The following ABCA4 variants were observed in gnomAD, a reference collection of about 807,000 sequenced individuals.
ABCA4 encodes ATP binding cassette subfamily A member 4, also known as retinal-specific phospholipid-transporting ATPase ABCA4.
In ABCA4, 196 loss-of-function variants were observed where a neutral mutation model predicts 263.7. The ratio of observed to expected loss-of-function variants is 0.74; its 90% CI spans 0.66 to 0.84. ABCA4 has a LOEUF of 0.84. ABCA4 is among the 40% of genes least tolerant of loss of function. The probability of loss-of-function intolerance (pLI) is 0.00; values close to 1 mark genes in which losing one functional copy is unlikely to be tolerated. For missense variants in ABCA4, 2,792 were observed against 2,855.1 expected, an observed-to-expected ratio of 0.98 and a Z score of 0.50; for synonymous variants, 1,133 against 1,094.2, an observed-to-expected ratio of 1.04 and a Z score of -0.70.
intron 32 of ABCA4, among the ~76,000 whole-genome samples, chr1:94,022,428 T>C (rs1304975452): frequency 1.3e-5 from 2 of 152,192 alleles, no homozygotes; most frequent in African/African-American, 4.8e-5. Context: ...ACCTCTGTGC[T>C]TTGCAGGTAC....
chr1:94,092,776 G>A (rs141834033), intron 6 of ABCA4, among the ~76,000 whole-genome samples: 1 of 152,084 alleles, frequency 6.6e-6, no homozygotes, highest in East Asian at 1.9e-4. Context: ...GCAGCCAAAA[G>A]GTCACTCCAT....
At chr1:94,120,852 G>A (rs1177190574) in intron 1 of ABCA4, 128 bp downstream of exon 1, 12 of 849,368 alleles carry the variant, frequency 1.4e-5, no homozygotes, top group Non-Finnish European at 1.5e-5. Context: ...GCTAATCGGC[G>A]ACAAGCCCAC....
chr1:94,014,917 G>C (rs1659682866), intron 37 of ABCA4, among the ~76,000 whole-genome samples: 1 of 152,162 alleles, frequency 6.6e-6, no homozygotes, highest in African/African-American at 2.4e-5. Flanking sequence ...AGGAGCAAAT[G>C]GGCTGCTAGC....
At chr1:94,031,159 A>G (rs1448778813) in intron 27 of ABCA4, 39 bp from the exon 28 acceptor site, 1 of 1,613,218 alleles carries the variant, frequency 6.2e-7, no homozygotes, top group Non-Finnish European at 8.5e-7. Flanking sequence ...TGACTGTGGC[A>G]TGGAGATGTC....
intron 37 of ABCA4, 42 bp downstream of exon 37, chr1:94,015,697 G>A: frequency 6.7e-7 from 1 of 1,501,448 alleles, no homozygotes; most frequent in Non-Finnish European, 9.2e-7. Flanking sequence ...CCACCACCAG[G>A]CTTCTCTTCA....
chr1:94,053,563 T>G (rs912855346), intron 16 of ABCA4, among the ~76,000 whole-genome samples: 4 of 152,204 alleles, frequency 2.6e-5, no homozygotes, highest in African/African-American at 9.7e-5. Flanking sequence ...AGGCACCTAA[T>G]CCAATCCAGT....
chr1:94,029,414 C>A, intron 30 of ABCA4, 31 bp downstream of exon 30: 1 of 1,531,564 alleles, frequency 6.5e-7, no homozygotes, highest in Non-Finnish European at 8.8e-7. Context: ...GGCAGGCAGA[C>A]CTGGGGCCCC....
At position 93,993,104 on chromosome 1, in the gene ABCA4, G is replaced by C. The variant is rs986870351; in HGVS notation, c.*133C>G. Reference sequence around the variant, plus strand: ...TTTCTGAATTCGCTGCATGCTCCTCGTGTGTTTGTTTTCTGCTGCAGTGGG... The same window carrying C: ...TTTCTGAATTCGCTGCATGCTCCTCCTGTGTTTGTTTTCTGCTGCAGTGGG... On this transcript the variant is annotated 3_prime_UTR_variant, in exon 50 of 50. Transcript: ENST00000370225. 8.3e-7 allele frequency: 1 copy of C among 1,197,832 alleles called. No homozygotes were observed. Among genetic ancestry groups the C allele is most frequent in the African/African-American group, 1.5e-5 (1 of 66,146 alleles). The allele number at this position is 1,197,832 out of a possible 1,614,324, so 74.2% of individuals were successfully genotyped here.
rs1337659068 is a variant in ABCA4, at chr1:94,043,343, G to A, written c.3183C>T (p.Asp1061=). ...LHHKRNEEAQ[D]LSGGMQRKLS... is the part of the protein sequence containing the mutation. ...CCATCCAGCTCTGAGCACCTGATAGGTCCTGAGCCTCTTCATTCCGCTTGT... is the reference window on the plus strand; with the variant it reads ...CCATCCAGCTCTGAGCACCTGATAGATCCTGAGCCTCTTCATTCCGCTTGT... The change falls in exon 21 of 50, where the codon GAC becomes GAT. Residue 1061 remains aspartate, a synonymous_variant. Transcript: ENST00000370225. 1.9e-6 allele frequency: 3 copies of A among 1,613,890 alleles called. No individual in the cohort carries two copies. The East Asian group carries it at 6.7e-5, about 36-fold the overall frequency.
intron 26 of ABCA4, among the ~76,000 whole-genome samples, chr1:94,035,785 T>C (rs1344557016): frequency 1.3e-5 from 2 of 152,148 alleles, no homozygotes; most frequent in Non-Finnish European, 1.5e-5. Flanking sequence ...GTGTGGCAGG[T>C]AACCCTTCCA....
chr1:94,016,235 C>G (rs889709176), intron 36 of ABCA4, among the ~76,000 whole-genome samples: 1 of 152,130 alleles, frequency 6.6e-6, no homozygotes, highest in African/African-American at 2.4e-5. Context: ...AATAATGATA[C>G]CCTTTTTAAA....
intron 11 of ABCA4, among the ~76,000 whole-genome samples, chr1:94,075,346 A>AAAAATTAAAAAGAAAATCTT (rs1341499704): frequency 4.0e-5 from 6 of 150,312 alleles, no homozygotes; most frequent in Non-Finnish European, 1.5e-5. Flanking sequence ...AAGAAAATCT[A>AAAAATTAAAAAGAAAATCTT]AAAATTAAAA....
chr1:94,111,786 TA>T (rs1662612481), intron 2 of ABCA4, among the ~76,000 whole-genome samples: 1 of 152,006 alleles, frequency 6.6e-6, no homozygotes, highest in African/African-American at 2.4e-5. Flanking sequence ...GCTCCCGGTG[TA>T]GTGGGGAGAC....
At chr1:94,102,803 C>T (rs978909977) in intron 5 of ABCA4, among the ~76,000 whole-genome samples, 8 of 152,212 alleles carry the variant, frequency 5.3e-5, no homozygotes, top group African/African-American at 1.7e-4. Context: ...GTTTTAAGGT[C>T]ACCAGGATGT....
intron 26 of ABCA4, among the ~76,000 whole-genome samples, chr1:94,036,394 T>C (rs565726819): frequency 1.5e-4 from 22 of 151,254 alleles, no homozygotes; most frequent in Admixed American, 4.6e-4. Flanking sequence ...TTTTTTTTTT[T>C]GAGATGGATT....
chr1:94,063,005 A>G (rs1661173203), intron 12 of ABCA4, 107 bp downstream of exon 12: 1 of 1,212,574 alleles, frequency 8.2e-7, no homozygotes, highest in Non-Finnish European at 1.2e-6. Context: ...TTCTTATTTA[A>G]CTTAATTTTA....
intron 5 of ABCA4, 95 bp downstream of exon 5, chr1:94,102,920 G>T: frequency 1.3e-6 from 2 of 1,545,452 alleles, no homozygotes; most frequent in Admixed American, 1.7e-5. Flanking sequence ...TGAACACAAG[G>T]AAGAAAGAAG....
Position 94,098,771 on chromosome 1 carries a change from G to A in ABCA4, c.768+23C>T, listed in dbSNP as rs199770449. 1.7e-5 allele frequency: 28 copies of A among 1,613,328 alleles called. 1 individual carries two copies. In the African/African-American group the frequency reaches 2.5e-4, roughly 15 times the overall value. On this transcript the variant is annotated intron_variant, in intron 6 of 49. Coordinates refer to ENST00000370225, the MANE Select transcript of ABCA4 (RefSeq NM_000350.3). ...CCCCAGGAATCACCTTGCAATTGGC[G>A]AGCAGCCAAACCCCTCCCTTACCAC...
Position 94,063,206 on chromosome 1 carries a change from T to C in ABCA4, c.1666A>G (p.Met556Val). ...MFWAGVVFPD[M>V]YPWTSSLPPH... The stretch of plus-strand genomic sequence containing the variant: ...GGTAGAGAGCTGGTCCAGGGATACA[T>C]GTCAGGGAATACCACTCCGGCCCAG... The change falls in exon 12 of 50, where the codon ATG (methionine) becomes GTG (valine). Residue 556 changes from methionine to valine, a missense_variant. Coordinates refer to ENST00000370225, the MANE Select transcript of ABCA4 (RefSeq NM_000350.3). 2 of 1,614,116 alleles carry C rather than the reference T, an allele frequency of 1.2e-6. No homozygotes were observed. The highest frequency in any genetic ancestry group is 1.7e-6 in the Non-Finnish European group (2 of 1,180,000).
Sources: gnomAD v4.1 joint callset for allele counts (sites outside exome capture counted in the v4.1 genomes callset) on GRCh38, gnomAD v4.1.1 for gene constraint, MANE v1.5 for transcripts, NCBI Gene and HGNC (gene_info 2026-07-23, HGNC 2026-07-21) for gene names.